The following NOVA1 variants were observed in gnomAD, a reference collection of about 807,000 sequenced individuals.
NOVA1 encodes RNA-binding protein Nova-1.
A neutral mutation model predicts 38.0 loss-of-function variants in NOVA1; 7 were observed. That is an observed-to-expected ratio of 0.18 (90% CI 0.10 to 0.35). The LOEUF (loss-of-function observed/expected upper bound fraction) is 0.35. Ranked by LOEUF, NOVA1 falls within the 10% of genes least tolerant of loss-of-function variation. The probability of loss-of-function intolerance (pLI) is 1.00; values close to 1 mark genes in which losing one functional copy is unlikely to be tolerated. For missense variants in NOVA1, 460 were observed against 616.0 expected (o/e 0.75, Z 2.68); for synonymous variants, 270 against 232.5 (o/e 1.16, Z -1.47).
intron 4 of NOVA1, among the ~76,000 whole-genome samples, chr14:26,450,326 A>C (rs1882553687): frequency 6.6e-6 from 1 of 152,050 alleles, no homozygotes; most frequent in Non-Finnish European, 1.5e-5. Context: ...CAAGCAGAGA[A>C]AGTATAAATG....
chr14:26,480,169 A>T lies in NOVA1; in HGVS notation c.281-26T>A, dbSNP rs775675395. The T allele has an allele frequency of 4.4e-6, 7 of 1,578,660 alleles. No homozygotes were observed. In the East Asian group the frequency reaches 1.4e-4, roughly 30 times the overall value. On this transcript the variant is annotated intron_variant, in intron 2 of 4. Coordinates refer to ENST00000539517, the MANE Select transcript of NOVA1 (RefSeq NM_002515.3). ...CTGTGGATAAAACATTGATTTTCAG[A>T]AAATATTCCACACTTTGCATTAAAA...
At chr14:26,457,112 T>G (rs1164760814) in intron 4 of NOVA1, among the ~76,000 whole-genome samples, 2 of 152,022 alleles carry the variant, frequency 1.3e-5, no homozygotes, top group African/African-American at 4.8e-5. Context: ...GTCTTATTTT[T>G]TAAAAGCAGT....
At chr14:26,518,487 T>C (rs756077460) in intron 2 of NOVA1, among the ~76,000 whole-genome samples, 1 of 152,078 alleles carries the variant, frequency 6.6e-6, no homozygotes, top group East Asian at 1.9e-4. Flanking sequence ...TTTCTTGCTT[T>C]AAAAAGTCTA....
intron 2 of NOVA1, among the ~76,000 whole-genome samples, chr14:26,590,921 T>C (rs1893806236): frequency 1.3e-5 from 2 of 151,738 alleles, no homozygotes; most frequent in Admixed American, 6.6e-5. Context: ...AATGATGTCT[T>C]ATAACTTACT....
At chr14:26,566,505 T>C (rs1271074267) in intron 2 of NOVA1, among the ~76,000 whole-genome samples, 1 of 152,140 alleles carries the variant, frequency 6.6e-6, no homozygotes, top group African/African-American at 2.4e-5. Flanking sequence ...ACACAGTGTG[T>C]TGAATATGGC....
intron 2 of NOVA1, among the ~76,000 whole-genome samples, chr14:26,589,949 T>A (rs373269040): frequency 9.2e-5 from 14 of 151,946 alleles, no homozygotes; most frequent in African/African-American, 3.1e-4. Flanking sequence ...ATTCCTTGCA[T>A]GTTGCGTTTT....
intron 2 of NOVA1, among the ~76,000 whole-genome samples, chr14:26,580,764 G>A (rs539851777): frequency 1.3e-5 from 2 of 151,842 alleles, no homozygotes; most frequent in Admixed American, 1.3e-4. Context: ...GTGGGATGAG[G>A]ATAGGTCAGA....
At chr14:26,583,914 CACACACAT>C (rs1207960836) in intron 2 of NOVA1, among the ~76,000 whole-genome samples, 31 of 112,802 alleles carry the variant, frequency 2.7e-4, no homozygotes, top group African/African-American at 8.2e-4. Context: ...CACACACACA[CACACACAT>C]ATATTGTATA....
chr14:26,554,633 CA>C (rs1891374790), intron 2 of NOVA1, among the ~76,000 whole-genome samples: 1 of 151,898 alleles, frequency 6.6e-6, no homozygotes, highest in Non-Finnish European at 1.5e-5. Context: ...TAATCATAAA[CA>C]AAAAAGGTCA....
At chr14:26,538,119 T>C (rs899358891) in intron 2 of NOVA1, among the ~76,000 whole-genome samples, 2 of 152,178 alleles carry the variant, frequency 1.3e-5, no homozygotes, top group African/African-American at 4.8e-5. Context: ...TTGGAACTTT[T>C]AGATTATCTC....
chr14:26,507,213 C>T (rs939578878), intron 2 of NOVA1, among the ~76,000 whole-genome samples: 2 of 151,614 alleles, frequency 1.3e-5, no homozygotes, highest in African/African-American at 2.4e-5. Context: ...ATAAAGGGCA[C>T]ACCTACTTAA....
intron 2 of NOVA1, among the ~76,000 whole-genome samples, chr14:26,575,729 T>C (rs777525962): frequency 2.0e-5 from 3 of 152,020 alleles, no homozygotes; most frequent in Admixed American, 6.6e-5. Context: ...CAGTAAGACA[T>C]AGTGATAAAA....
At chr14:26,559,131 C>T (rs555904195) in intron 2 of NOVA1, among the ~76,000 whole-genome samples, 39 of 152,214 alleles carry the variant, frequency 2.6e-4, no homozygotes, top group African/African-American at 8.4e-4. Context: ...TTCATCCATA[C>T]TCCTGGTACG....
intron 2 of NOVA1, among the ~76,000 whole-genome samples, chr14:26,534,584 T>C (rs1480769922): frequency 6.6e-6 from 1 of 152,048 alleles, no homozygotes; most frequent in Non-Finnish European, 1.5e-5. Flanking sequence ...TAATGTTCAA[T>C]AAAATCAATG....
chr14:26,580,316 A>G (rs1265967706), intron 2 of NOVA1, among the ~76,000 whole-genome samples: 3 of 152,254 alleles, frequency 2.0e-5, no homozygotes, highest in Non-Finnish European at 1.5e-5. Context: ...AATGTTTTGT[A>G]TTTGCATATA....
Position 26,480,009 on chromosome 14 carries a change from G to C in NOVA1, c.415C>G (p.Gln139Glu). Residue 139 changes from glutamine (Q) to glutamate (E), a missense_variant, in exon 3 of 5, where the codon CAG becomes GAG. Physicochemically the swap from Gln to Glu is conservative, Grantham distance 29. Coordinates refer to ENST00000539517, the MANE Select transcript of NOVA1 (RefSeq NM_002515.3). ...KTEPVSILQP[Q>E]TTVNPDRIKQ... Reference sequence around the variant, plus strand: ...ATGCGATCTGGATTAACGGTGGTCTGGGGTTGTAGAATGCTGACTGGTTCT... The same window carrying C: ...ATGCGATCTGGATTAACGGTGGTCTCGGGTTGTAGAATGCTGACTGGTTCT... The C allele has an allele frequency of 6.2e-7, 1 of 1,614,004 alleles. No homozygotes were observed. The highest frequency in any genetic ancestry group is 8.5e-7 in the Non-Finnish European group (1 of 1,179,976).
At chr14:26,462,884 A>G (rs1266173991) in intron 4 of NOVA1, among the ~76,000 whole-genome samples, 3 of 152,164 alleles carry the variant, frequency 2.0e-5, no homozygotes, top group Admixed American at 1.3e-4. Flanking sequence ...GTTTTCCATT[A>G]TCTTTTGTAT....
chr14:26,568,879 A>G (rs192634281), intron 2 of NOVA1, among the ~76,000 whole-genome samples: 61 of 152,306 alleles, frequency 4.0e-4, no homozygotes, highest in Admixed American at 2.1e-3. Context: ...GAAGGCAGGA[A>G]AAAATTATCT....
At chr14:26,584,954 A>C (rs993387600) in intron 2 of NOVA1, among the ~76,000 whole-genome samples, 5 of 151,474 alleles carry the variant, frequency 3.3e-5, no homozygotes, top group African/African-American at 1.2e-4. Flanking sequence ...ATAATACTTA[A>C]AATCCGTGGC....
Sources: allele counts gnomAD v4.1 joint callset (sites outside exome capture counted in the v4.1 genomes callset), GRCh38; gene constraint gnomAD v4.1.1; transcripts MANE v1.5; gene names NCBI Gene and HGNC (gene_info 2026-07-23, HGNC 2026-07-21).